The following MED13L variants were observed in gnomAD, a reference collection of about 807,000 sequenced individuals.
MED13L encodes the protein mediator of RNA polymerase II transcription subunit 13-like.
A neutral mutation model predicts 220.9 loss-of-function variants in MED13L; 7 were observed. That is an observed-to-expected ratio of 0.03 (90% CI 0.02 to 0.06). The LOEUF is 0.06. Among genes scored for constraint, MED13L ranks in the 10% least tolerant of loss-of-function variants. MED13L has a pLI of 1.00. For synonymous variants in MED13L, 1,011 were observed against 1,015.2 expected, an observed-to-expected ratio of 1.00 and a Z score of 0.08; for missense variants, 1,965 against 2,760.5, an observed-to-expected ratio of 0.71 and a Z score of 6.46.
chr12:116,000,614 T>C (rs1878679996), intron 14 of MED13L, among the ~76,000 whole-genome samples: 1 of 152,186 alleles, frequency 6.6e-6, no homozygotes, highest in Non-Finnish European at 1.5e-5. Context: ...ATCCAACTCT[T>C]TCCTTTTGTC....
chr12:116,119,830 A>T (rs1194464745), intron 2 of MED13L, among the ~76,000 whole-genome samples: 213 of 119,410 alleles, frequency 1.8e-3, no homozygotes, highest in East Asian at 0.013. Context: ...AAAAAAAAAA[A>T]AAAAAAAAAT....
chr12:115,958,682 G>C lies in MED13L; in HGVS notation c.*2584C>G, dbSNP rs1193291169. ...TTTAAAATGGAGGCCTTTTATTATT[G>C]TTTCTTTTTATCAAAGTCTTTTAGT... On this transcript the variant is annotated 3_prime_UTR_variant, in exon 31 of 31. Transcript: ENST00000281928. 6.6e-6 allele frequency: 1 copy of C among 152,224 alleles called. No individual in the cohort carries two copies. Among genetic ancestry groups the C allele is most frequent in the Non-Finnish European group, 1.5e-5 (1 of 67,996 alleles). 9.4% of individuals were successfully genotyped at this position (152,224 alleles called of 1,614,324 possible). A position where few individuals can be genotyped will look rare whatever the true frequency, so the allele number is the denominator to read the frequency against.
chr12:116,204,141 A>T (rs1350462040), intron 2 of MED13L, among the ~76,000 whole-genome samples: 1 of 152,178 alleles, frequency 6.6e-6, no homozygotes, highest in Admixed American at 6.5e-5. Flanking sequence ...ATGAACCACA[A>T]TCTAGCAATC....
chr12:115,971,900 A>G (rs1876611571), intron 26 of MED13L, among the ~76,000 whole-genome samples, 178 bp downstream of exon 26: 1 of 152,216 alleles, frequency 6.6e-6, no homozygotes, highest in African/African-American at 2.4e-5. Context: ...CAAACATGAT[A>G]AAATCACAAA....
chr12:115,966,820 T>C (rs960657418), intron 28 of MED13L, among the ~76,000 whole-genome samples: 1 of 152,184 alleles, frequency 6.6e-6, no homozygotes, highest in African/African-American at 2.4e-5. Context: ...TTTAGCTAGC[T>C]TCATCAATTG....
chr12:116,241,924 G>A (rs2138480579), intron 1 of MED13L, among the ~76,000 whole-genome samples: 1 of 151,744 alleles, frequency 6.6e-6, no homozygotes, highest in African/African-American at 2.4e-5. Flanking sequence ...TAATGATACT[G>A]AAATAGTTTG....
chr12:116,199,311 T>C (rs1881849631), intron 2 of MED13L, among the ~76,000 whole-genome samples: 1 of 152,234 alleles, frequency 6.6e-6, no homozygotes. Context: ...TAAGAGACTA[T>C]GTAAACCCAA....
rs1199925708 is a variant in MED13L at position 115,983,216 on chromosome 12, C to T, written c.4856G>A (p.Gly1619Glu). 2 of 1,614,112 alleles carry T rather than the reference C, an allele frequency of 1.2e-6. No individual in the cohort carries two copies. Among genetic ancestry groups the T allele is most frequent in the Non-Finnish European group, 1.7e-6 (2 of 1,179,984 alleles). ...TTGCGTTCTATCCGCAGAAATGCCCCCAGTGCTGGGGTTCTGCCCTCCAAC... is the reference window on the plus strand; with the variant it reads ...TTGCGTTCTATCCGCAGAAATGCCCTCAGTGCTGGGGTTCTGCCCTCCAAC... ...GSVGGQNPST[G>E]GISADRTQGN... is the part of the protein sequence containing the mutation. The change falls in exon 21 of 31, where the codon GGG (glycine) becomes GAG (glutamate). Residue 1619 changes from glycine (G) to glutamate (E), a missense_variant. Coordinates refer to ENST00000281928, the MANE Select transcript of MED13L (RefSeq NM_015335.5).
At chr12:116,088,970 T>C (rs1193233202) in intron 4 of MED13L, among the ~76,000 whole-genome samples, 3 of 151,836 alleles carry the variant, frequency 2.0e-5, no homozygotes, top group Non-Finnish European at 4.4e-5. Flanking sequence ...TGGAGAAAAA[T>C]CCAGATTTTT....
intron 2 of MED13L, among the ~76,000 whole-genome samples, chr12:116,163,574 A>G (rs1279358975): frequency 6.6e-6 from 1 of 152,106 alleles, no homozygotes; most frequent in Non-Finnish European, 1.5e-5. Flanking sequence ...CATGTTGGTC[A>G]GGCTGGTCTC....
rs545791988 is a variant in MED13L at position 116,209,650 on chromosome 12, T to C, written c.310+27818A>G. 4.6e-5 allele frequency among the ~76,000 whole-genome samples: 7 copies of C among 152,304 alleles called. No individual in the cohort carries two copies. In the South Asian group the frequency reaches 1.5e-3, roughly 32 times the overall value. On this transcript the variant is annotated intron_variant, in intron 2 of 30. Transcript: ENST00000281928. ...TAAGTATTTTCCTTATTATTCTTTA[T>C]TGCTTCCTACCAAATGCTGAGGGAG... is the stretch of plus-strand genomic sequence containing the variant.
chr12:116,088,397 CG>C (rs895161243), intron 4 of MED13L, among the ~76,000 whole-genome samples: 1 of 152,154 alleles, frequency 6.6e-6, no homozygotes, highest in Middle Eastern at 3.2e-3. Flanking sequence ...CAACAGCCCT[CG>C]GAAGGCTAAA....
At chr12:116,148,438 A>G in intron 2 of MED13L, 1 of 204,800 alleles carries the variant, frequency 4.9e-6, no homozygotes, top group Non-Finnish European at 1.2e-5. Flanking sequence ...CTCAAAAAGG[A>G]AAAAGAGAAA....
In MED13L at chr12:116,210,619, C is replaced by A. The variant is rs887632315; in HGVS notation, c.310+26849G>T. 5.6e-5 allele frequency among the ~76,000 whole-genome samples: 8 copies of A among 141,696 alleles called. No homozygotes were observed. The East Asian group carries it at 1.7e-3, about 30-fold the overall frequency. The allele number at this position is 141,696 out of a possible 152,430, so 93.0% of individuals were successfully genotyped here. On this transcript the variant is annotated intron_variant, in intron 2 of 30. Coordinates refer to ENST00000281928, the MANE Select transcript of MED13L (RefSeq NM_015335.5). ...GGTATCAGAGAGCCCTAAAATCCAACCACATGCCTTCGGGGAAAATGCATT... is the reference window on the plus strand; with the variant it reads ...GGTATCAGAGAGCCCTAAAATCCAAACACATGCCTTCGGGGAAAATGCATT...
At chr12:116,154,278 C>A (rs529258012) in intron 2 of MED13L, among the ~76,000 whole-genome samples, 2 of 152,168 alleles carry the variant, frequency 1.3e-5, no homozygotes, top group East Asian at 3.9e-4. Flanking sequence ...TCCAAAAGCC[C>A]GTCCTATTAA....
intron 2 of MED13L, among the ~76,000 whole-genome samples, chr12:116,189,025 G>C (rs1317626405): frequency 2.0e-5 from 3 of 152,104 alleles, no homozygotes; most frequent in Non-Finnish European, 4.4e-5. Flanking sequence ...TAAACATTAC[G>C]TATAGGTTTC....
intron 2 of MED13L, among the ~76,000 whole-genome samples, chr12:116,120,467 TCTCTCTCTCTCACACA>T (rs1206817776): frequency 7.9e-4 from 108 of 136,906 alleles, no homozygotes; most frequent in African/African-American, 2.7e-3. Context: ...TCTCTCTCTC[TCTCTCTCTCTCACACA>T]CACACACACA....
In MED13L at chr12:116,172,224, G is replaced by A. The variant is rs1425650858; in HGVS notation, c.311-60712C>T. Among the ~76,000 whole-genome samples the A allele has an allele frequency of 2.0e-5, 3 of 152,124 alleles. No homozygotes were observed. The East Asian group carries it at 5.8e-4, about 29-fold the overall frequency. ...ACATAACTGCTTACTTCTAATCAAT[G>A]ACTCTAAAAAAGAACCCAAGAGTTC... On this transcript the variant is annotated intron_variant, in intron 2 of 30. Coordinates refer to ENST00000281928, the MANE Select transcript of MED13L (RefSeq NM_015335.5).
chr12:116,233,822 G>A (rs767084348), intron 2 of MED13L, among the ~76,000 whole-genome samples: 1 of 152,102 alleles, frequency 6.6e-6, no homozygotes, highest in Non-Finnish European at 1.5e-5. Context: ...TACACCACAC[G>A]CATTAACAAT....
Sources: gnomAD v4.1 joint callset for allele counts (sites outside exome capture counted in the v4.1 genomes callset) on GRCh38, gnomAD v4.1.1 for gene constraint, MANE v1.5 for transcripts, NCBI Gene and HGNC (gene_info 2026-07-23, HGNC 2026-07-21) for gene names.